The following TTC9 variants were observed in gnomAD, a reference collection of about 807,000 sequenced individuals.
The protein encoded by TTC9 is tetratricopeptide repeat protein 9A.
TTC9 carries 13 observed loss-of-function variants against 22.9 expected under a neutral mutation model. The ratio of observed to expected loss-of-function variants is 0.57; its 90% CI spans 0.37 to 0.90. The LOEUF is 0.90. TTC9 is among the 40% of genes least tolerant of loss of function. The pLI is 0.01. For missense variants in TTC9, 280 were observed against 291.8 expected (o/e 0.96, Z 0.29); for synonymous variants, 148 against 133.2 (o/e 1.11, Z -0.77).
chr14:70,653,944 G>T (rs1018267442), intron 1 of TTC9, among the ~76,000 whole-genome samples: 1 of 152,338 alleles, frequency 6.6e-6, no homozygotes, highest in Non-Finnish European at 1.5e-5. Flanking sequence ...AAGCCATGGG[G>T]CTGGCAGCCT....
At position 70,673,583 on chromosome 14, in the gene TTC9, AC is replaced by A. The variant is rs1886327168; in HGVS notation, c.*2433del. The A allele has an allele frequency of 2.0e-5, 1 of 49,362 alleles. No individual in the cohort carries two copies. The allele number at this position is 49,362 out of a possible 1,614,324, so 3.1% of individuals were successfully genotyped here. On this transcript the variant is annotated 3_prime_UTR_variant, in exon 3 of 3. Transcript: ENST00000256367. ...TTCAAACGCCCCGACCCCCACCCCCACCCCCATTCCCAAGCCTCCAACTTAG... is the reference window on the plus strand; with the variant it reads ...TTCAAACGCCCCGACCCCCACCCCCACCCCATTCCCAAGCCTCCAACTTAG...
rs1267630921 is a variant in TTC9, at chr14:70,675,237, T to A, written c.*4082T>A. 6.6e-6 allele frequency: 1 copy of A among 152,266 alleles called. No homozygotes were observed. The highest frequency in any genetic ancestry group is 1.5e-5 in the Non-Finnish European group (1 of 68,052). The allele number at this position is 152,266 out of a possible 1,614,324, so 9.4% of individuals were successfully genotyped here. A position where few individuals can be genotyped will look rare whatever the true frequency, so the allele number is the denominator to read the frequency against. On this transcript the variant is annotated 3_prime_UTR_variant, in exon 3 of 3. Coordinates refer to ENST00000256367, the MANE Select transcript of TTC9 (RefSeq NM_015351.2). ...TTATTTGATATTGGTATGTTTATTA[T>A]CAATTTGTAATTTTATTAAGAATAT...
At chr14:70,663,608 G>C (rs907064327) in intron 1 of TTC9, among the ~76,000 whole-genome samples, 3 of 152,172 alleles carry the variant, frequency 2.0e-5, no homozygotes, top group African/African-American at 7.2e-5. Context: ...GCCTGGGTAT[G>C]CTCCTTCTCT....
At chr14:70,644,981 G>A (rs1885882578) in intron 1 of TTC9, among the ~76,000 whole-genome samples, 5 of 152,202 alleles carry the variant, frequency 3.3e-5, no homozygotes, top group South Asian at 2.1e-4. Flanking sequence ...GTGTGGTGGC[G>A]GGCACCTGTA....
rs61046584 is a variant in TTC9, at chr14:70,654,587, C to CAAAAAAAAAAAAAAAAAAAA, written c.406+12068_406+12087dup. 2.4e-4 allele frequency among the ~76,000 whole-genome samples: 14 copies of CAAAAAAAAAAAAAAAAAAAA among 57,152 alleles called. 1 individual carries two copies. Among genetic ancestry groups the CAAAAAAAAAAAAAAAAAAAA allele is most frequent in the Non-Finnish European group, 3.1e-4 (10 of 32,168 alleles). The allele number at this position is 57,152 out of a possible 152,430, so 37.5% of individuals were successfully genotyped here. The stretch of plus-strand genomic sequence containing the variant: ...CCTGGGCAACAGTAAGGCTCTGTCT[C>CAAAAAAAAAAAAAAAAAAAA]AAAAAAAAAAAAAAAAAAAAAAAAA... On this transcript the variant is annotated intron_variant, in intron 1 of 2. Transcript: ENST00000256367.
chr14:70,643,337 C>T (rs2139636495), intron 1 of TTC9, among the ~76,000 whole-genome samples: 1 of 152,214 alleles, frequency 6.6e-6, no homozygotes, highest in Admixed American at 6.5e-5. Flanking sequence ...GGGATAAGAG[C>T]CAAAATCAGG....
At chr14:70,649,758 T>C (rs1284365677) in intron 1 of TTC9, among the ~76,000 whole-genome samples, 2 of 152,238 alleles carry the variant, frequency 1.3e-5, no homozygotes, top group Non-Finnish European at 2.9e-5. Flanking sequence ...TTAGGGTAAC[T>C]CTCTTGCCCA....
In TTC9 at chr14:70,657,158, G is replaced by T. The variant is rs542616259; in HGVS notation, c.407-10406G>T. ...ACCTGCCACTTTGACAGCTATTTTT[G>T]CCAACAGAGGGTAATTAAAAAGAAT... On this transcript the variant is annotated intron_variant, in intron 1 of 2. Coordinates refer to ENST00000256367, the MANE Select transcript of TTC9 (RefSeq NM_015351.2). Among the ~76,000 whole-genome samples, 336 of 152,260 alleles carry T rather than the reference G, an allele frequency of 2.2e-3. 2 individuals carry two copies. Among genetic ancestry groups the T allele is most frequent in the African/African-American group, 7.7e-3 (319 of 41,540 alleles).
chr14:70,656,220 C>T lies in TTC9; in HGVS notation c.407-11344C>T, dbSNP rs1014247181. Among the ~76,000 whole-genome samples the T allele has an allele frequency of 3.0e-3, 427 of 140,940 alleles. 1 individual carries two copies. The highest frequency in any genetic ancestry group is 3.8e-3 in the Non-Finnish European group (235 of 61,600). 92.5% of individuals were successfully genotyped at this position (140,940 alleles called of 152,430 possible). A position where few individuals can be genotyped will look rare whatever the true frequency, so the allele number is the denominator to read the frequency against. ...AATTCTTCACCCTGATACACACACA[C>T]ACACACACACACACACACACACACA... On this transcript the variant is annotated intron_variant, in intron 1 of 2. Transcript: ENST00000256367.
rs897992795 is a variant in TTC9 at position 70,672,484 on chromosome 14, G to A, written c.*1329G>A. On this transcript the variant is annotated 3_prime_UTR_variant, in exon 3 of 3. Transcript: ENST00000256367. ...TGCCCATCATTGTGCAATATGCTGT[G>A]GGACATGGGATGTCGTCTCAGTCTT... is the stretch of plus-strand genomic sequence containing the variant. The A allele has an allele frequency of 6.6e-6, 1 of 152,116 alleles. No individual in the cohort carries two copies. The highest frequency in any genetic ancestry group is 2.4e-5 in the African/African-American group (1 of 41,400). The allele number at this position is 152,116 out of a possible 1,614,324, so 9.4% of individuals were successfully genotyped here.
chr14:70,669,117 C>G (rs1376369128), intron 2 of TTC9, among the ~76,000 whole-genome samples: 1 of 151,972 alleles, frequency 6.6e-6, no homozygotes, highest in Admixed American at 6.5e-5. Flanking sequence ...GATTGCGCCA[C>G]TGCACTCCAG....
At chr14:70,656,004 T>C (rs921888950) in intron 1 of TTC9, among the ~76,000 whole-genome samples, 1 of 152,052 alleles carries the variant, frequency 6.6e-6, no homozygotes, top group Non-Finnish European at 1.5e-5. Flanking sequence ...TCATTTCATA[T>C]ACAAAGCAGT....
chr14:70,669,806 C>A (rs575247535), intron 2 of TTC9, among the ~76,000 whole-genome samples: 1 of 152,138 alleles, frequency 6.6e-6, no homozygotes, highest in African/African-American at 2.4e-5. Context: ...TCTGCCAGCA[C>A]GGTTCTGGAG....
intron 1 of TTC9, among the ~76,000 whole-genome samples, chr14:70,653,612 C>T (rs1003670921): frequency 6.6e-6 from 1 of 152,294 alleles, no homozygotes; most frequent in African/African-American, 2.4e-5. Context: ...GTTCTAGGCA[C>T]ACATCATCTC....
intron 1 of TTC9, among the ~76,000 whole-genome samples, chr14:70,650,109 G>C (rs1167228336): frequency 1.3e-5 from 2 of 152,160 alleles, no homozygotes; most frequent in African/African-American, 2.4e-5. Context: ...AATGTGAAGA[G>C]TAGGAGTTCA....
At chr14:70,670,373 G>A (rs1423324010) in intron 2 of TTC9, among the ~76,000 whole-genome samples, 3 of 152,232 alleles carry the variant, frequency 2.0e-5, no homozygotes, top group African/African-American at 4.8e-5. Flanking sequence ...GAGCTTGTTG[G>A]CTGGGCGCGG....
chr14:70,672,554 A>G lies in TTC9; in HGVS notation c.*1399A>G, dbSNP rs548581187. 1 of 152,360 alleles carries G rather than the reference A, an allele frequency of 6.6e-6. No individual in the cohort carries two copies. Among genetic ancestry groups the G allele is most frequent in the African/African-American group, 2.4e-5 (1 of 41,574 alleles). The allele number at this position is 152,360 out of a possible 1,614,324, so 9.4% of individuals were successfully genotyped here. ...AGAAATGCATATGAGATTATTACCA[A>G]TGACACCGTTAATTTATATGATGCT... On this transcript the variant is annotated 3_prime_UTR_variant, in exon 3 of 3. Coordinates refer to ENST00000256367, the MANE Select transcript of TTC9 (RefSeq NM_015351.2).
Position 70,671,329 on chromosome 14 carries a change from C to A in TTC9, c.*174C>A. 3.6e-6 allele frequency: 2 copies of A among 554,266 alleles called. No individual in the cohort carries two copies. The highest frequency in any genetic ancestry group is 3.2e-6 in the Non-Finnish European group (1 of 313,090). The allele number at this position is 554,266 out of a possible 1,614,324, so 34.3% of individuals were successfully genotyped here. A position where few individuals can be genotyped will look rare whatever the true frequency, so the allele number is the denominator to read the frequency against. On this transcript the variant is annotated 3_prime_UTR_variant, in exon 3 of 3. Coordinates refer to ENST00000256367, the MANE Select transcript of TTC9 (RefSeq NM_015351.2). ...CCTCCCAGTACGAAAAGGAGAGATG[C>A]AAATTTGGAATCTGGTAGGTCGCCC...
Position 70,646,353 on chromosome 14 carries a change from G to A in TTC9, c.406+3818G>A, listed in dbSNP as rs140429850. Among the ~76,000 whole-genome samples the A allele has an allele frequency of 5.7e-3, 865 of 152,254 alleles. 12 individuals are homozygous for A. Among genetic ancestry groups the A allele is most frequent in the African/African-American group, 0.02 (817 of 41,542 alleles). On this transcript the variant is annotated intron_variant, in intron 1 of 2. Coordinates refer to ENST00000256367, the MANE Select transcript of TTC9 (RefSeq NM_015351.2). Reference sequence around the variant, plus strand: ...AGAGGCTACAAAGGAAGCATGTATTGGCCTGTTGATGGACTCTTCTTGACA... The same window carrying A: ...AGAGGCTACAAAGGAAGCATGTATTAGCCTGTTGATGGACTCTTCTTGACA...
Sources: allele counts gnomAD v4.1 joint callset (sites outside exome capture counted in the v4.1 genomes callset), GRCh38; gene constraint gnomAD v4.1.1; transcripts MANE v1.5; gene names NCBI Gene and HGNC (gene_info 2026-07-23, HGNC 2026-07-21).